CHAT: variants seen among roughly 807,000 people sequenced by gnomAD.
CHAT encodes acetyl CoA:choline O-acetyltransferase.
CHAT carries 61 observed loss-of-function variants against 76.9 expected under a neutral mutation model. The observed-to-expected ratio is 0.79, with a 90% CI of 0.65 to 0.98. CHAT has a LOEUF of 0.98. Ranked by LOEUF, CHAT falls within the 50% of genes least tolerant of loss-of-function variation. The pLI, the probability that CHAT is intolerant of heterozygous loss-of-function variation, is 0.00. For missense variants in CHAT, 946 were observed against 986.9 expected (o/e 0.96, Z 0.56); for synonymous variants, 407 against 397.4 (o/e 1.02, Z -0.29).
At chr10:49,629,318 C>A (rs916197928) in intron 7 of CHAT, among the ~76,000 whole-genome samples, 1 of 152,310 alleles carries the variant, frequency 6.6e-6, no homozygotes, top group East Asian at 1.9e-4. Context: ...ATTAATTATT[C>A]TTTCATCCAA....
upstream of CHAT, chr10:49,611,903 G>A (rs1338961287): frequency 6.2e-6 from 10 of 1,611,604 alleles, no homozygotes; most frequent in Non-Finnish European, 7.6e-6. Flanking sequence ...GTCTCACTAT[G>A]CGGCCTCTGT....
upstream of CHAT, chr10:49,613,197 G>A (rs3810947): frequency 0.24 from 36,628 of 152,228 alleles, 9,159 homozygotes; most frequent in East Asian, 0.64. Flanking sequence ...TCCGACCTCT[G>A]GAAATGTGTG....
intron 13 of CHAT, among the ~76,000 whole-genome samples, chr10:49,659,631 G>A (rs1840131673): frequency 6.6e-6 from 1 of 152,202 alleles, no homozygotes; most frequent in South Asian, 2.1e-4. Flanking sequence ...GGAGGCCGAG[G>A]TGGGTGGATC....
At chr10:49,656,826 G>A (rs1840049513) in intron 13 of CHAT, among the ~76,000 whole-genome samples, 1 of 152,124 alleles carries the variant, frequency 6.6e-6, no homozygotes, top group Non-Finnish European at 1.5e-5. Flanking sequence ...TAATATGGAG[G>A]AAGAGCTGGT....
intron 7 of CHAT, among the ~76,000 whole-genome samples, chr10:49,643,862 A>G (rs1465075675): frequency 3.9e-5 from 6 of 152,208 alleles, no homozygotes; most frequent in Non-Finnish European, 8.8e-5. Context: ...CAGGAGGCCC[A>G]GGCCCCACCC....
chr10:49,645,432 G>A (rs566954805), intron 7 of CHAT, among the ~76,000 whole-genome samples: 82 of 152,268 alleles, frequency 5.4e-4, no homozygotes, highest in Middle Eastern at 3.4e-3. Flanking sequence ...TTTAACTTTT[G>A]GTGAACTTTA....
chr10:49,656,609 G>A (rs1840044294), intron 13 of CHAT, among the ~76,000 whole-genome samples: 1 of 152,182 alleles, frequency 6.6e-6, no homozygotes, highest in South Asian at 2.1e-4. Flanking sequence ...CTCAAGAAGG[G>A]CACCACGTGC....
At position 49,659,489 on chromosome 10, in the gene CHAT, G is replaced by A. The variant is rs536298071; in HGVS notation, c.1840-3156G>A. Among the ~76,000 whole-genome samples the A allele has an allele frequency of 5.9e-5, 9 of 152,336 alleles. No homozygotes were observed. In the South Asian group the frequency reaches 1.5e-3, roughly 25 times the overall value. ...AATCAACAGTTGTTGAGTACACCTA[G>A]AGAGCAATCAGTCCATAAAGAAGCA... On this transcript the variant is annotated intron_variant, in intron 13 of 14. Coordinates refer to ENST00000337653, the MANE Select transcript of CHAT (RefSeq NM_020549.5).
intron 13 of CHAT, among the ~76,000 whole-genome samples, chr10:49,656,616 G>A (rs576885655): frequency 1.3e-5 from 2 of 152,188 alleles, no homozygotes; most frequent in South Asian, 2.1e-4. Flanking sequence ...AGGGCACCAC[G>A]TGCAAAGACT....
chr10:49,614,608 G>A, intron 1 of CHAT, 133 bp downstream of exon 1: 1 of 813,408 alleles, frequency 1.2e-6, no homozygotes, highest in Non-Finnish European at 1.9e-6. Context: ...GTCCTGCGCA[G>A]CAGCGGCCGT....
upstream of CHAT, chr10:49,612,080 G>A: frequency 6.2e-7 from 1 of 1,613,508 alleles, no homozygotes; most frequent in South Asian, 1.1e-5. Context: ...CACTCGCTGG[G>A]CTTTGAGCAG....
In CHAT at chr10:49,664,768, C is replaced by A. The variant is rs751682280; in HGVS notation, c.1978-9C>A. 4.3e-6 allele frequency: 7 copies of A among 1,614,198 alleles called. No individual in the cohort carries two copies. In the South Asian group the frequency reaches 7.7e-5, roughly 18 times the overall value. ...GAACAAGCAGCTCCTGACCTGTCCT[C>A]TCCTCCAGGTGCCCACAACCACGGA... On this transcript the variant is annotated splice_polypyrimidine_tract_variant and intron_variant, in intron 14 of 14. Coordinates refer to ENST00000337653, the MANE Select transcript of CHAT (RefSeq NM_020549.5).
chr10:49,627,528 G>A (rs1838964374), intron 6 of CHAT, 80 bp from the exon 7 acceptor site: 1 of 1,448,838 alleles, frequency 6.9e-7, no homozygotes, highest in Non-Finnish European at 9.7e-7. Flanking sequence ...CCTGCCCCAA[G>A]CTTACCTGTG....
At position 49,627,592 on chromosome 10, in the gene CHAT, C is replaced by T; in HGVS notation, c.934-16C>T. 1 of 1,613,962 alleles carries T rather than the reference C, an allele frequency of 6.2e-7. No individual in the cohort carries two copies. Among genetic ancestry groups the T allele is most frequent in the African/African-American group, 1.3e-5 (1 of 75,054 alleles). ...GCCACCCAACAAGTGACATGTTTGA[C>T]CTGTTTACCCCACAGTTCTTTGTCT... On this transcript the variant is annotated splice_polypyrimidine_tract_variant and intron_variant, in intron 6 of 14. Transcript: ENST00000337653.
At chr10:49,611,864 C>A, upstream of CHAT, 1 of 1,607,230 alleles carries the variant, frequency 6.2e-7, no homozygotes, top group East Asian at 2.2e-5. Flanking sequence ...TGCATCGTGC[C>A]CGCCTGCCGC....
At chr10:49,640,475 G>T (rs976388121) in intron 7 of CHAT, among the ~76,000 whole-genome samples, 1 of 149,852 alleles carries the variant, frequency 6.7e-6, no homozygotes, top group African/African-American at 2.4e-5. Flanking sequence ...CACCCTGGGG[G>T]AGGGGACTCC....
chr10:49,624,780 A>T (rs1396631436), intron 5 of CHAT, among the ~76,000 whole-genome samples: 1 of 151,698 alleles, frequency 6.6e-6, no homozygotes, highest in Admixed American at 6.6e-5. Flanking sequence ...TGGTGGATAG[A>T]TGGGTGGATG....
Position 49,614,250 on chromosome 10 carries a change from G to A in CHAT, c.61G>A (p.Glu21Lys). The A allele has an allele frequency of 6.5e-7, 1 of 1,546,630 alleles. No individual in the cohort carries two copies. The highest frequency in any genetic ancestry group is 8.7e-7 in the Non-Finnish European group (1 of 1,144,952). The change falls in exon 1 of 15, where the codon GAG becomes AAG. Residue 21 changes from glutamate to lysine, a missense_variant. Glu to Lys is a moderately conservative substitution (Grantham distance 56). Coordinates refer to ENST00000337653, the MANE Select transcript of CHAT (RefSeq NM_020549.5). ...GGGAGGGGGGAAATGGAAGAGAGAG[G>A]AGGGAGGAGGTACAAGAGGAAGGAG... is the stretch of plus-strand genomic sequence containing the variant. ...LGGGGKWKRE[E>K]GGGTRGRREV...
intron 6 of CHAT, among the ~76,000 whole-genome samples, chr10:49,626,608 C>T (rs79550598): frequency 0.039 from 6,011 of 152,240 alleles, 412 homozygotes; most frequent in African/African-American, 0.14. Flanking sequence ...AAGGACGTTT[C>T]CCCATCTTCA....
Sources: allele counts gnomAD v4.1 joint callset (sites outside exome capture counted in the v4.1 genomes callset), GRCh38; gene constraint gnomAD v4.1.1; transcripts MANE v1.5; gene names NCBI Gene and HGNC (gene_info 2026-07-23, HGNC 2026-07-21).